The following NACA variants were observed in gnomAD, a reference collection of about 807,000 sequenced individuals.
NACA encodes nascent polypeptide associated complex subunit alpha.
NACA carries 42 observed loss-of-function variants against 86.4 expected under a neutral mutation model. The ratio of observed to expected loss-of-function variants is 0.49; its 90% confidence interval spans 0.38 to 0.63. The LOEUF is 0.63. Among genes scored for constraint, NACA ranks in the 20% least tolerant of loss-of-function variants. NACA has a pLI of 0.00. For missense variants in NACA, 2,157 were observed against 2,483.6 expected, an observed-to-expected ratio of 0.87 and a Z score of 2.80; for synonymous variants, 898 against 973.7, an observed-to-expected ratio of 0.92 and a Z score of 1.45.
chr12:56,718,951 G>C lies in NACA; in HGVS notation c.2579C>G (p.Ser860Cys), dbSNP rs200685659. ...TGAGGGAGTAGGGGCCCCTTTGGGG[G>C]ATGGAGGAGTGGGAGAATGCGTCGT... ...PATTHSPTPP[S>C]PKGAPTPSAV... The change falls in exon 3 of 9, where the codon TCC becomes TGC. Residue 860 changes from serine (S) to cysteine (C), a missense_variant. Ser to Cys is a moderately radical substitution (Grantham distance 112, BLOSUM62 -1). Around this residue, in one of 8 missense-constraint regions of NACA, gnomAD observed 174 missense variants for 217.0 expected, o/e 0.80. Transcript: ENST00000454682. 7.7e-4 allele frequency: 1,108 copies of C among 1,446,660 alleles called. 3 individuals are homozygous for C. Among genetic ancestry groups the C allele is most frequent in the Admixed American group, 1.8e-3 (97 of 54,842 alleles). The allele number at this position is 1,446,660 out of a possible 1,614,324, so 89.6% of individuals were successfully genotyped here. A position where few individuals can be genotyped will look rare whatever the true frequency, so the allele number is the denominator to read the frequency against.
In NACA at chr12:56,718,676, C is replaced by T. The variant is rs759982850; in HGVS notation, c.2854G>A (p.Gly952Arg). 7.4e-7 allele frequency: 1 copy of T among 1,353,704 alleles called. No homozygotes were observed. Among genetic ancestry groups the T allele is most frequent in the Admixed American group, 2.4e-5 (1 of 42,404 alleles). 83.9% of individuals were successfully genotyped at this position (1,353,704 alleles called of 1,614,324 possible). A position where few individuals can be genotyped will look rare whatever the true frequency, so the allele number is the denominator to read the frequency against. The change falls in exon 3 of 9, where the codon GGA (glycine) becomes AGA (arginine). Residue 952 changes from glycine to arginine, a missense_variant. Gly to Arg is a moderately radical substitution (Grantham distance 125). This residue lies in a region of NACA where 9 missense variants were observed against 33.7 expected (regional missense o/e 0.27). Transcript: ENST00000454682. ...TTCGGGGATGGGGTAGCTGGGCCTC[C>T]TTTAGGGGAGGGAGGAGTTGCAGCT... Reference protein sequence around the residue: ...PPAATPPSPKGGPATPSPKWA... With the variant: ...PPAATPPSPKRGPATPSPKWA...
At chr12:56,722,346 G>C (rs1334133545) in intron 2 of NACA, among the ~76,000 whole-genome samples, 2 of 152,196 alleles carry the variant, frequency 1.3e-5, no homozygotes, top group African/African-American at 4.8e-5. Context: ...ACTGTATTAT[G>C]AAACTGTAAC....
At chr12:56,723,108 C>T (rs1374707131) in intron 2 of NACA, among the ~76,000 whole-genome samples, 1 of 152,142 alleles carries the variant, frequency 6.6e-6, no homozygotes, top group Non-Finnish European at 1.5e-5. Flanking sequence ...TCTGACTGGA[C>T]CTCAAATGGA....
Position 56,719,287 on chromosome 12 carries a change from G to C in NACA, c.2243C>G (p.Thr748Arg). Reference sequence around the variant, plus strand: ...ATGAGAAATACCATCAACCTTTTTTGTACCTGGAGGAGTCCCAGCTGGGGG... The same window carrying C: ...ATGAGAAATACCATCAACCTTTTTTCTACCTGGAGGAGTCCCAGCTGGGGG... ...SLPPAGTPPG[T>R]KKVDGISHTS... Residue 748 changes from threonine (T) to arginine (R), a missense_variant, in exon 3 of 9, where the codon ACA becomes AGA. Transcript: ENST00000454682. The C allele has an allele frequency of 1.9e-6, 3 of 1,588,456 alleles. No individual in the cohort carries two copies. Among genetic ancestry groups the C allele is most frequent in the Non-Finnish European group, 2.6e-6 (3 of 1,164,030 alleles).
chr12:56,714,527 C>T (rs546693613), intron 4 of NACA, 75 bp downstream of exon 4: 1 of 1,603,696 alleles, frequency 6.2e-7, no homozygotes, highest in African/African-American at 1.3e-5. Flanking sequence ...TGAAGGTTCA[C>T]AGTTCCAAAT....
At position 56,720,804 on chromosome 12, in the gene NACA, A is replaced by G. The variant is rs200104799; in HGVS notation, c.726T>C (p.Ala242=). 421 of 1,613,964 alleles carry G rather than the reference A, an allele frequency of 2.6e-4. 2 individuals carry two copies. In the East Asian group the frequency reaches 8.2e-3, roughly 31 times the overall value. ...TGGTGGTATCTTTGACTTGAGGGGA[A>G]GCGATGGCTAGGGTAGTTGTGGGTG... ...QTTPTTTLAI[A]SPQVKDTTIS... The change falls in exon 3 of 9, where the codon GCT becomes GCC. Residue 242 remains alanine, a synonymous_variant. Coordinates refer to ENST00000454682, the MANE Select transcript of NACA (RefSeq NM_001365896.1).
At position 56,720,697 on chromosome 12, in the gene NACA, A is replaced by G. The variant is rs910267979; in HGVS notation, c.833T>C (p.Leu278Pro). 3 of 1,613,998 alleles carry G rather than the reference A, an allele frequency of 1.9e-6. No homozygotes were observed. Among genetic ancestry groups the G allele is most frequent in the Non-Finnish European group, 2.5e-6 (3 of 1,179,900 alleles). Residue 278 changes from leucine (L) to proline (P), a missense_variant, in exon 3 of 9, where the codon CTT (leucine) becomes CCT (proline). Physicochemically the swap from Leu to Pro is moderately conservative, Grantham distance 98. This residue lies in a region of NACA where 947 missense variants were observed against 917.9 expected (regional missense o/e 1.03). Coordinates refer to ENST00000454682, the MANE Select transcript of NACA (RefSeq NM_001365896.1). ...CACCACAGGAAGAGACTGAGTTGAA[A>G]GAGATAAGGCAGCAGGTGGACTAAC... Reference protein sequence around the residue: ...GPVSPPAALSLSTQSLPVVTS... With the variant: ...GPVSPPAALSPSTQSLPVVTS...
At position 56,720,925 on chromosome 12, in the gene NACA, G is replaced by A. The variant is rs1469926306; in HGVS notation, c.605C>T (p.Thr202Ile). 1 of 1,613,798 alleles carries A rather than the reference G, an allele frequency of 6.2e-7. No individual in the cohort carries two copies. Among genetic ancestry groups the A allele is most frequent in the Non-Finnish European group, 8.5e-7 (1 of 1,179,726 alleles). ...ACTGACTATACATGGAGGGCTGGGG[G>A]TGCCTTTTGGATTAGGGACTACCTC... ...PSEVVPNPKG[T>I]PSPPCIVSTV... is the part of the protein sequence containing the mutation. Residue 202 changes from threonine to isoleucine, a missense_variant, in exon 3 of 9, where the codon ACC becomes ATC. By Grantham distance (89) the Thr-to-Ile change is moderately conservative (BLOSUM62 -1). Around this residue, in one of 8 missense-constraint regions of NACA, gnomAD observed 947 missense variants for 917.9 expected, o/e 1.03. Transcript: ENST00000454682.
rs1953563060 is a variant in NACA at position 56,721,095 on chromosome 12, G to C, written c.435C>G (p.His145Gln). The change falls in exon 3 of 9, where the codon CAC becomes CAG. Residue 145 changes from histidine (H) to glutamine (Q), a missense_variant. By Grantham distance (24) the His-to-Gln change is conservative. Coordinates refer to ENST00000454682, the MANE Select transcript of NACA (RefSeq NM_001365896.1). ...APLALVALAP[H>Q]SVQKSSAFPP... ...GAAAAGCAGAACTCTTCTGAACTGA[G>C]TGGGGAGCCAGGGCAACCAGAGCTA... 1 of 1,613,916 alleles carries C rather than the reference G, an allele frequency of 6.2e-7. No individual in the cohort carries two copies. The highest frequency in any genetic ancestry group is 8.5e-7 in the Non-Finnish European group (1 of 1,179,852).
Position 56,714,458 on chromosome 12 carries a change from T to C in NACA, c.5746-19A>G, listed in dbSNP as rs1289337604. 5 of 1,613,036 alleles carry C rather than the reference T, an allele frequency of 3.1e-6. No individual in the cohort carries two copies. The African/African-American group carries it at 5.3e-5, about 17-fold the overall frequency. On this transcript the variant is annotated intron_variant, in intron 4 of 8. Transcript: ENST00000454682. ...CCGCCAGCTAAGAAGATAAAACAGC[T>C]ATTAGTTAACCAGAATCTAAGATCT...
chr12:56,713,232 G>A (rs1470897644), intron 6 of NACA, 42 bp from the exon 7 acceptor site: 1 of 1,601,504 alleles, frequency 6.2e-7, no homozygotes, highest in Non-Finnish European at 8.5e-7. Flanking sequence ...TAGATTAGCA[G>A]TCTTTGAAAA....
intron 3 of NACA, among the ~76,000 whole-genome samples, chr12:56,715,541 GAGCAAATGAA>G (rs1280067706): frequency 6.6e-6 from 1 of 152,120 alleles, no homozygotes; most frequent in Admixed American, 6.6e-5. Context: ...GTAGGGATTA[GAGCAAATGAA>G]AAGGTCTGGC....
intron 2 of NACA, among the ~76,000 whole-genome samples, chr12:56,722,171 A>G (rs1953591649): frequency 6.6e-6 from 1 of 152,224 alleles, no homozygotes; most frequent in Non-Finnish European, 1.5e-5. Context: ...TTTATACCTT[A>G]CCAGTTTACT....
Position 56,718,970 on chromosome 12 carries a change from G to A in NACA, c.2560C>T (p.His854Tyr). 1 of 1,447,252 alleles carries A rather than the reference G, an allele frequency of 6.9e-7. No homozygotes were observed. Among genetic ancestry groups the A allele is most frequent in the Non-Finnish European group, 9.3e-7 (1 of 1,071,208 alleles). 89.7% of individuals were successfully genotyped at this position (1,447,252 alleles called of 1,614,324 possible). ...QGSKDSPATT[H>Y]SPTPPSPKGA... ...TTGGGGGATGGAGGAGTGGGAGAAT[G>A]CGTCGTGGCTGGTGAGTCTTTAGAG... Residue 854 changes from histidine (H) to tyrosine (Y), a missense_variant, in exon 3 of 9, where the codon CAT becomes TAT. By Grantham distance (83) the His-to-Tyr change is moderately conservative. This residue lies in a region of NACA where 174 missense variants were observed against 217.0 expected (regional missense o/e 0.80). Coordinates refer to ENST00000454682, the MANE Select transcript of NACA (RefSeq NM_001365896.1).
At position 56,719,776 on chromosome 12, in the gene NACA, G is replaced by A. The variant is rs1341081287; in HGVS notation, c.1754C>T (p.Ser585Phe). Residue 585 changes from serine (S) to phenylalanine (F), a missense_variant, in exon 3 of 9, where the codon TCT (serine) becomes TTT (phenylalanine). Ser to Phe is a radical substitution (Grantham distance 155). This residue lies in a region of NACA where 947 missense variants were observed against 917.9 expected (regional missense o/e 1.03). Transcript: ENST00000454682. ...TTTCTTTGCTAGGGTGGCTTCAGGAGAAAGAGGTATCTCTGGAGAAGAGGA... is the reference window on the plus strand; with the variant it reads ...TTTCTTTGCTAGGGTGGCTTCAGGAAAAAGAGGTATCTCTGGAGAAGAGGA... ...STSSSPEIPL[S>F]PEATLAKKSL... is the part of the protein sequence containing the mutation. 6.2e-7 allele frequency: 1 copy of A among 1,613,778 alleles called. No individual in the cohort carries two copies. The highest frequency in any genetic ancestry group is 8.5e-7 in the Non-Finnish European group (1 of 1,179,876).
At position 56,719,318 on chromosome 12, in the gene NACA, A is replaced by G. The variant is rs1277215025; in HGVS notation, c.2212T>C (p.Ser738Pro). The change falls in exon 3 of 9, where the codon TCT (serine) becomes CCT (proline). Residue 738 changes from serine (S) to proline (P), a missense_variant. Ser to Pro is a moderately conservative substitution (Grantham distance 74, BLOSUM62 -1). Coordinates refer to ENST00000454682, the MANE Select transcript of NACA (RefSeq NM_001365896.1). ...GGAGGAGTCCCAGCTGGGGGAAGAG[A>G]GGGTGAGGGCACAGACTTTGGGATT... ...PEIPKSVPSPSLPPAGTPPGT... is the reference protein window; with the variant it reads ...PEIPKSVPSPPLPPAGTPPGT... 5.0e-6 allele frequency: 8 copies of G among 1,604,282 alleles called. No individual in the cohort carries two copies. Among genetic ancestry groups the G allele is most frequent in the Non-Finnish European group, 6.8e-6 (8 of 1,174,360 alleles).
In NACA at chr12:56,719,101, G is replaced by A. The variant is rs769664131; in HGVS notation, c.2429C>T (p.Thr810Ile). 4.1e-6 allele frequency: 6 copies of A among 1,452,632 alleles called. No homozygotes were observed. In the African/African-American group the frequency reaches 4.2e-5, roughly 10 times the overall value. The allele number at this position is 1,452,632 out of a possible 1,614,324, so 90.0% of individuals were successfully genotyped here. The change falls in exon 3 of 9, where the codon ACC becomes ATC. Residue 810 changes from threonine to isoleucine, a missense_variant. Physicochemically the swap from Thr to Ile is moderately conservative, Grantham distance 89 (BLOSUM62 -1). Coordinates refer to ENST00000454682, the MANE Select transcript of NACA (RefSeq NM_001365896.1). ...ATCAGGGCCAGCAGAACCCTTCTTG[G>A]TTGGAGGTCTTTTAGTCTGAGGAGA... ...SVSPQTKRPPTKKGSAGPDTP... is the reference protein window; with the variant it reads ...SVSPQTKRPPIKKGSAGPDTP...
In NACA at chr12:56,714,350, T is replaced by G; in HGVS notation, c.5823+12A>C. ...TGCTTCATAAGATCCTGAAATCCTTTTCAAATCTTACCTTCCGTGCCTTCT... is the reference window on the plus strand; with the variant it reads ...TGCTTCATAAGATCCTGAAATCCTTGTCAAATCTTACCTTCCGTGCCTTCT... On this transcript the variant is annotated intron_variant, in intron 5 of 8. Coordinates refer to ENST00000454682, the MANE Select transcript of NACA (RefSeq NM_001365896.1). 6.2e-7 allele frequency: 1 copy of G among 1,613,654 alleles called. No individual in the cohort carries two copies. The highest frequency in any genetic ancestry group is 8.5e-7 in the Non-Finnish European group (1 of 1,179,534).
In NACA at chr12:56,719,606, T is replaced by C. The variant is rs200069809; in HGVS notation, c.1924A>G (p.Thr642Ala). The C allele has an allele frequency of 6.2e-7, 1 of 1,613,764 alleles. No individual in the cohort carries two copies. Among genetic ancestry groups the C allele is most frequent in the African/African-American group, 1.3e-5 (1 of 74,972 alleles). ...AAAGGAAATGCAGCCACTGTTGGGG[T>C]AATGAGAGAACTTTTGAGAAGCGGA... is the stretch of plus-strand genomic sequence containing the variant. The part of the protein sequence containing the change: ...AGPLLKSSLI[T>A]PTVAAFPLES... The change falls in exon 3 of 9, where the codon ACC becomes GCC. Residue 642 changes from threonine to alanine, a missense_variant. This residue lies in a region of NACA where 947 missense variants were observed against 917.9 expected (regional missense o/e 1.03). Transcript: ENST00000454682.
Sources: gnomAD v4.1 joint callset for allele counts (sites outside exome capture counted in the v4.1 genomes callset) on GRCh38, gnomAD v4.1.1 for gene constraint, gnomAD v4.1.1 regional missense constraint, MANE v1.5 for transcripts, NCBI Gene and HGNC (gene_info 2026-07-23, HGNC 2026-07-21) for gene names.